Variants in GRM1 observed in about 807,000 individuals in gnomAD.
GRM1 encodes metabotropic glutamate receptor 1.
In GRM1, 33 loss-of-function variants were observed where a neutral mutation model predicts 90.9. The observed-to-expected ratio is 0.36, with a 90% CI of 0.28 to 0.49. The LOEUF (loss-of-function observed/expected upper bound fraction) is 0.49. Among genes scored for constraint, GRM1 ranks in the 20% least tolerant of loss-of-function variants. The probability of loss-of-function intolerance (pLI) is 0.99; values close to 1 mark genes in which losing one functional copy is unlikely to be tolerated. For missense variants in GRM1, 1,190 were observed against 1,534.3 expected, an observed-to-expected ratio of 0.78 and a Z score of 3.75; for synonymous variants, 700 against 613.2, an observed-to-expected ratio of 1.14 and a Z score of -2.09.
chr6:146,416,746 G>T (rs184931441), intron 7 of GRM1, among the ~76,000 whole-genome samples: 1 of 152,016 alleles, frequency 6.6e-6, no homozygotes, highest in African/African-American at 2.4e-5. Context: ...AGAGCTATCC[G>T]GGGGTCCTGG....
At chr6:146,238,188 T>C (rs1008474315) in intron 2 of GRM1, among the ~76,000 whole-genome samples, 7 of 152,190 alleles carry the variant, frequency 4.6e-5, no homozygotes, top group Non-Finnish European at 1.0e-4. Context: ...GATTGTTTTC[T>C]ATCATTTGGT....
chr6:146,326,256 G>A (rs544959344), intron 3 of GRM1, among the ~76,000 whole-genome samples: 3 of 152,166 alleles, frequency 2.0e-5, no homozygotes, highest in Non-Finnish European at 4.4e-5. Context: ...ATACTATGCA[G>A]CCATAAAAAA....
intron 5 of GRM1, among the ~76,000 whole-genome samples, chr6:146,368,891 T>C (rs1480259978): frequency 6.6e-6 from 1 of 152,070 alleles, no homozygotes; most frequent in Non-Finnish European, 1.5e-5. Context: ...TCACTTCTCT[T>C]CAATTTTTTG....
intron 2 of GRM1, among the ~76,000 whole-genome samples, chr6:146,177,487 A>G (rs1778377168): frequency 6.6e-6 from 1 of 152,004 alleles, no homozygotes; most frequent in South Asian, 2.1e-4. Context: ...TATTTTTTAT[A>G]CTCAATGTTC....
At chr6:146,377,666 A>T (rs1776155293) in intron 5 of GRM1, among the ~76,000 whole-genome samples, 1 of 152,220 alleles carries the variant, frequency 6.6e-6, no homozygotes. Context: ...ATAAGCAATG[A>T]GTAGCCCAAT....
chr6:146,256,607 C>T (rs1401741619), intron 2 of GRM1, among the ~76,000 whole-genome samples: 1 of 152,176 alleles, frequency 6.6e-6, no homozygotes, highest in Non-Finnish European at 1.5e-5. Context: ...CCATCATCTT[C>T]AGCACTTTTG....
intron 2 of GRM1, among the ~76,000 whole-genome samples, chr6:146,206,784 C>G (rs556557464): frequency 3.9e-4 from 60 of 152,178 alleles, no homozygotes; most frequent in African/African-American, 1.3e-3. Flanking sequence ...GTTATCTTTT[C>G]TGCTCCTCTC....
chr6:146,229,970 T>G (rs1345451097), intron 2 of GRM1, among the ~76,000 whole-genome samples: 2 of 152,166 alleles, frequency 1.3e-5, no homozygotes, highest in African/African-American at 2.4e-5. Context: ...ATGTATACTT[T>G]CTGTCTAATA....
At chr6:146,095,231 C>G (rs1038005381) in intron 1 of GRM1, among the ~76,000 whole-genome samples, 2 of 152,130 alleles carry the variant, frequency 1.3e-5, no homozygotes, top group Non-Finnish European at 2.9e-5. Flanking sequence ...AACTCCTGTT[C>G]AGGCCCCACT....
chr6:146,335,027 G>C (rs546598350), intron 3 of GRM1, among the ~76,000 whole-genome samples: 1 of 152,110 alleles, frequency 6.6e-6, no homozygotes, highest in Non-Finnish European at 1.5e-5. Context: ...TGGGGGTTTT[G>C]CTTTTAAAGC....
intron 1 of GRM1, among the ~76,000 whole-genome samples, chr6:146,153,061 A>G (rs142376665): frequency 7.2e-5 from 11 of 152,262 alleles, no homozygotes; most frequent in Non-Finnish European, 1.3e-4. Flanking sequence ...CTTCAGCCTG[A>G]CATTGCTTGC....
intron 1 of GRM1, among the ~76,000 whole-genome samples, chr6:146,132,060 G>A (rs1188120006): frequency 6.6e-6 from 1 of 152,188 alleles, no homozygotes; most frequent in East Asian, 1.9e-4. Context: ...CAATGTGGCT[G>A]TAAAAGTGAA....
chr6:146,255,941 T>C (rs781695201), intron 2 of GRM1, among the ~76,000 whole-genome samples: 35 of 152,190 alleles, frequency 2.3e-4, no homozygotes, highest in South Asian at 8.3e-4. Flanking sequence ...GATGTGTATT[T>C]GTTTCAGTTG....
rs1778518808 is a variant in GRM1, at chr6:146,434,335, A to G, written c.3124A>G (p.Ser1042Gly). Residue 1042 changes from serine (S) to glycine (G), a missense_variant, in exon 8 of 8, where the codon AGT (serine) becomes GGT (glycine). This residue lies in a region of GRM1 where 400 missense variants were observed against 360.8 expected (regional missense o/e 1.11). Coordinates refer to ENST00000282753, the MANE Select transcript of GRM1 (RefSeq NM_001278064.2). ...DQLQGVVSNF[S>G]TAIPDFHAVL... The stretch of plus-strand genomic sequence containing the variant: ...GCTCCAGGGAGTGGTCAGCAACTTC[A>G]GTACCGCGATCCCGGATTTTCACGC... The G allele has an allele frequency of 1.9e-6, 3 of 1,612,222 alleles. No homozygotes were observed. The highest frequency in any genetic ancestry group is 1.6e-4 in the Middle Eastern group (1 of 6,080).
intron 2 of GRM1, among the ~76,000 whole-genome samples, chr6:146,166,698 G>C (rs1220488568): frequency 6.6e-6 from 1 of 152,074 alleles, no homozygotes; most frequent in East Asian, 1.9e-4. Context: ...AAGGTTATGA[G>C]TCTAGAGTTG....
At chr6:146,281,830 A>G (rs1396391931) in intron 2 of GRM1, among the ~76,000 whole-genome samples, 1 of 152,172 alleles carries the variant, frequency 6.6e-6, no homozygotes, top group Non-Finnish European at 1.5e-5. Flanking sequence ...ACACATCACC[A>G]TGGATTCTTA....
At chr6:146,425,067 A>G (rs1291000966) in intron 7 of GRM1, among the ~76,000 whole-genome samples, 1 of 152,200 alleles carries the variant, frequency 6.6e-6, no homozygotes. Flanking sequence ...ATGAAGTTAC[A>G]CCAAGGTGTC....
intron 2 of GRM1, among the ~76,000 whole-genome samples, chr6:146,220,093 G>C (rs969954168): frequency 6.6e-6 from 1 of 152,046 alleles, no homozygotes. Context: ...ATATTTGAGT[G>C]TCTTTAATGT....
intron 5 of GRM1, among the ~76,000 whole-genome samples, chr6:146,368,888 T>G (rs1775797929): frequency 6.6e-6 from 1 of 152,086 alleles, no homozygotes; most frequent in Admixed American, 6.6e-5. Flanking sequence ...AATTCACTTC[T>G]CTTCAATTTT....
Sources: gnomAD v4.1 joint callset for allele counts (sites outside exome capture counted in the v4.1 genomes callset) on GRCh38, gnomAD v4.1.1 for gene constraint, gnomAD v4.1.1 regional missense constraint, MANE v1.5 for transcripts, NCBI Gene and HGNC (gene_info 2026-07-23, HGNC 2026-07-21) for gene names.